Variants in GSE1 observed in about 807,000 individuals in gnomAD.
GSE1 encodes Gse1 coiled-coil protein, also known as genetic suppressor element 1.
In GSE1, 32 loss-of-function variants were observed where a neutral mutation model predicts 112.6. The ratio of observed to expected loss-of-function variants is 0.28; its 90% confidence interval spans 0.21 to 0.38. The LOEUF is 0.38. Among genes scored for constraint, GSE1 ranks in the 10% least tolerant of loss-of-function variants. The pLI is 1.00. For missense variants in GSE1, 2,348 were observed against 1,699.2 expected, an observed-to-expected ratio of 1.38 and a Z score of -6.71; for synonymous variants, 1,115 against 735.6, an observed-to-expected ratio of 1.52 and a Z score of -8.35.
intron 2 of GSE1, among the ~76,000 whole-genome samples, chr16:85,524,775 C>T (rs986104566): frequency 1.3e-5 from 2 of 152,140 alleles, no homozygotes; most frequent in Non-Finnish European, 2.9e-5. Flanking sequence ...TCATCACATC[C>T]CGTATGGGTG....
At chr16:85,439,617 C>T (rs756262728) in intron 2 of GSE1, among the ~76,000 whole-genome samples, 1 of 152,100 alleles carries the variant, frequency 6.6e-6, no homozygotes, top group Non-Finnish European at 1.5e-5. Context: ...GGGGGGTGGG[C>T]TTCTGATGGG....
At chr16:85,648,489 A>AGCTGGCACTGCACGTG in intron 2 of GSE1, 63 bp from the exon 3 acceptor site, 1 of 827,126 alleles carries the variant, frequency 1.2e-6, no homozygotes, top group Non-Finnish European at 1.9e-6. Context: ...CCAGGTCCCC[A>AGCTGGCACTGCACGTG]GCTGGCACTG....
At chr16:85,666,640 T>C (rs1267320848) in intron 13 of GSE1, 3 of 415,164 alleles carry the variant, frequency 7.2e-6, no homozygotes, top group African/African-American at 2.0e-5. Flanking sequence ...CCGACAGGCA[T>C]TGGTTTTTGC....
intron 2 of GSE1, among the ~76,000 whole-genome samples, chr16:85,410,916 C>T (rs553388636): frequency 1.1e-3 from 106 of 97,834 alleles, no homozygotes; most frequent in African/African-American, 6.4e-3. Flanking sequence ...ACACTCAGGG[C>T]CCCCCTGGAT....
intron 2 of GSE1, among the ~76,000 whole-genome samples, chr16:85,505,022 C>T (rs866213324): frequency 3.6e-5 from 1 of 28,068 alleles, no homozygotes; most frequent in Non-Finnish European, 6.2e-5. Flanking sequence ...CACATGTGCA[C>T]GCACACACAG....
chr16:85,333,828 C>G (rs1439799646), intron 1 of GSE1, among the ~76,000 whole-genome samples: 1 of 152,190 alleles, frequency 6.6e-6, no homozygotes, highest in Non-Finnish European at 1.5e-5. Context: ...CTGCAGCCTC[C>G]TCCTCCCCCC....
In GSE1 at chr16:85,666,095, C is replaced by T; in HGVS notation, c.2878C>T (p.Leu960=). 2 of 1,613,224 alleles carry T rather than the reference C, an allele frequency of 1.2e-6. No individual in the cohort carries two copies. Among genetic ancestry groups the T allele is most frequent in the Middle Eastern group, 1.6e-4 (1 of 6,062 alleles). ...GKLEQVRPQE[L]SRVQELAPAS... ...GCTGGAACAGGTCCGGCCCCAGGAG[C>T]TGTCGAGAGTCCAGGAGCTAGCTCC... is the stretch of plus-strand genomic sequence containing the variant. Residue 960 remains leucine (L), a synonymous_variant, in exon 13 of 16, where the codon CTG becomes TTG. Transcript: ENST00000253458.
chr16:85,621,229 G>T (rs1398290475), intron 1 of GSE1, among the ~76,000 whole-genome samples: 1 of 152,082 alleles, frequency 6.6e-6, no homozygotes, highest in East Asian at 1.9e-4. Flanking sequence ...CTGCTGTGTT[G>T]GGGAACCCGT....
At chr16:85,453,255 G>A (rs1057068020) in intron 2 of GSE1, among the ~76,000 whole-genome samples, 3 of 152,156 alleles carry the variant, frequency 2.0e-5, no homozygotes, top group Non-Finnish European at 4.4e-5. Flanking sequence ...AAAGTCACAC[G>A]GTGGCTCGGG....
intron 2 of GSE1, among the ~76,000 whole-genome samples, chr16:85,486,308 C>T (rs949801218): frequency 2.6e-5 from 2 of 78,142 alleles, no homozygotes; most frequent in African/African-American, 1.1e-4. Flanking sequence ...CACACACGTA[C>T]GCACACTCCT....
At chr16:85,198,069 C>T (rs532488997) in intron 1 of GSE1, among the ~76,000 whole-genome samples, 2 of 152,218 alleles carry the variant, frequency 1.3e-5, no homozygotes, top group African/African-American at 2.4e-5. Context: ...GTGGCCAGGA[C>T]GTGCAGGTGT....
chr16:85,644,358 AAAG>A (rs1333211937), intron 2 of GSE1, among the ~76,000 whole-genome samples: 2 of 151,614 alleles, frequency 1.3e-5, no homozygotes, highest in African/African-American at 4.9e-5. Context: ...AAAAAAAAAA[AAAG>A]AGTGTTGGGC....
At chr16:85,515,891 C>G (rs959193284) in intron 2 of GSE1, among the ~76,000 whole-genome samples, 1 of 152,188 alleles carries the variant, frequency 6.6e-6, no homozygotes, top group Admixed American at 6.5e-5. Context: ...CCCACCGGCT[C>G]TGGCCAGTGG....
At chr16:85,365,208 C>G (rs1327681271) in intron 2 of GSE1, among the ~76,000 whole-genome samples, 1 of 152,196 alleles carries the variant, frequency 6.6e-6, no homozygotes, top group South Asian at 2.1e-4. Flanking sequence ...CATCCTCACA[C>G]CCGCCCCCAG....
intron 2 of GSE1, among the ~76,000 whole-genome samples, chr16:85,480,658 C>A (rs771213872): frequency 6.6e-6 from 1 of 152,146 alleles, no homozygotes; most frequent in Non-Finnish European, 1.5e-5. Context: ...AGGGACAATC[C>A]ACCCTGGGTG....
intron 2 of GSE1, among the ~76,000 whole-genome samples, chr16:85,436,850 G>T (rs2151771102): frequency 6.6e-6 from 1 of 152,352 alleles, no homozygotes; most frequent in South Asian, 2.1e-4. Context: ...GTGTGGGCTG[G>T]GCTCGGTTCC....
intron 2 of GSE1, among the ~76,000 whole-genome samples, chr16:85,462,700 C>CGCGGGAGGGAG (rs2050003318): frequency 1.2e-5 from 1 of 86,314 alleles, no homozygotes; most frequent in Admixed American, 1.2e-4. Flanking sequence ...GGCGCCGCGG[C>CGCGGGAGGGAG]GCGGGAGGGA....
At chr16:85,664,437 T>C (rs544712990) in intron 11 of GSE1, 1 of 152,412 alleles carries the variant, frequency 6.6e-6, no homozygotes, top group Non-Finnish European at 1.5e-5. Context: ...AGTGACGTGT[T>C]GATTGCCAGC....
chr16:85,288,848 A>G (rs1313106069), intron 1 of GSE1, among the ~76,000 whole-genome samples: 1 of 152,016 alleles, frequency 6.6e-6, no homozygotes, highest in East Asian at 1.9e-4. Context: ...CCTGAGAGAG[A>G]GGGAGTGGGG....
Sources: gnomAD v4.1 joint callset for allele counts (sites outside exome capture counted in the v4.1 genomes callset) on GRCh38, gnomAD v4.1.1 for gene constraint, MANE v1.5 for transcripts, NCBI Gene and HGNC (gene_info 2026-07-23, HGNC 2026-07-21) for gene names.